The following FSTL4 variants were observed in gnomAD, a reference collection of about 807,000 sequenced individuals.
FSTL4 encodes follistatin like 4.
Under a neutral mutation model 78.2 loss-of-function variants are expected in FSTL4, and 28 were observed. The observed-to-expected ratio is 0.36, with a 90% CI of 0.27 to 0.49. The LOEUF (loss-of-function observed/expected upper bound fraction) is 0.49, where lower values mean the gene tolerates loss of function less well. Among genes scored for constraint, FSTL4 ranks in the 20% least tolerant of loss-of-function variants. FSTL4 has a pLI of 0.98. For missense variants in FSTL4, 922 were observed against 1,084.9 expected, an observed-to-expected ratio of 0.85 and a Z score of 2.11; for synonymous variants, 422 against 440.5, an observed-to-expected ratio of 0.96 and a Z score of 0.53.
the FSTL4 span, among the ~76,000 whole-genome samples, chr5:133,631,413 G>A: frequency 2.0e-5 from 3 of 152,034 alleles, no homozygotes; most frequent in African/African-American, 7.2e-5. Flanking sequence ...ATCATCACTC[G>A]TCATTAGAGA....
intron 3 of FSTL4, among the ~76,000 whole-genome samples, chr5:133,516,725 T>C (rs1328679873): frequency 1.3e-5 from 2 of 152,114 alleles, no homozygotes; most frequent in Non-Finnish European, 2.9e-5. Context: ...TTCTCTAACA[T>C]TAAAGTGCAT....
In FSTL4 at chr5:133,210,059, C is replaced by T. The variant is rs937985666; in HGVS notation, c.1716+132G>A. 4 of 601,372 alleles carry T rather than the reference C, an allele frequency of 6.7e-6. No individual in the cohort carries two copies. In the South Asian group the frequency reaches 8.2e-5, roughly 12 times the overall value. The allele number at this position is 601,372 out of a possible 1,614,324, so 37.3% of individuals were successfully genotyped here. A position where few individuals can be genotyped will look rare whatever the true frequency, so the allele number is the denominator to read the frequency against. On this transcript the variant is annotated intron_variant, in intron 14 of 15. Coordinates refer to ENST00000265342, the MANE Select transcript of FSTL4 (RefSeq NM_015082.2). ...GGCCTGAGGCTGTTTCCTACTCTCTCCTTGAGCCTTTATGGATATATTTTG... is the reference window on the plus strand; with the variant it reads ...GGCCTGAGGCTGTTTCCTACTCTCTTCTTGAGCCTTTATGGATATATTTTG...
At chr5:133,413,803 T>C (rs1294957536) in intron 3 of FSTL4, among the ~76,000 whole-genome samples, 1 of 152,202 alleles carries the variant, frequency 6.6e-6, no homozygotes, top group Non-Finnish European at 1.5e-5. Context: ...TCTTCAGCTA[T>C]TTCTAACCTA....
At chr5:133,316,353 G>C (rs2126891856) in intron 5 of FSTL4, 106 bp downstream of exon 5, 1 of 797,862 alleles carries the variant, frequency 1.3e-6, no homozygotes, top group Middle Eastern at 3.7e-4. Context: ...TTTGTGAGAT[G>C]TTCTCAGAGG....
chr5:133,375,077 G>A (rs756582396), intron 4 of FSTL4, among the ~76,000 whole-genome samples: 3 of 151,578 alleles, frequency 2.0e-5, no homozygotes, highest in Non-Finnish European at 4.4e-5. Flanking sequence ...GGTGGTATTC[G>A]AGGAGTGAGC....
At chr5:133,258,258 T>A (rs1314720033) in intron 6 of FSTL4, among the ~76,000 whole-genome samples, 6 of 152,212 alleles carry the variant, frequency 3.9e-5, no homozygotes, top group Admixed American at 3.9e-4. Context: ...TTACCTTGAC[T>A]GGGCCACAAG....
chr5:133,511,158 C>G (rs1758723748), intron 3 of FSTL4, among the ~76,000 whole-genome samples: 2 of 152,194 alleles, frequency 1.3e-5, no homozygotes, highest in Non-Finnish European at 2.9e-5. Flanking sequence ...GTGGGCCAGG[C>G]TCCTCTGGGT....
intron 3 of FSTL4, among the ~76,000 whole-genome samples, chr5:133,553,878 G>A (rs540720467): frequency 6.6e-6 from 1 of 152,318 alleles, no homozygotes; most frequent in African/African-American, 2.4e-5. Flanking sequence ...AGAGAAGGGA[G>A]AACCTGGACT....
At chr5:133,335,632 T>C (rs987681864) in intron 4 of FSTL4, among the ~76,000 whole-genome samples, 1 of 149,948 alleles carries the variant, frequency 6.7e-6, no homozygotes, top group Non-Finnish European at 1.5e-5. Flanking sequence ...CTTCAATTTC[T>C]TTTTTTTTCT....
chr5:133,833,924 A>G, the FSTL4 span, among the ~76,000 whole-genome samples: 1 of 152,200 alleles, frequency 6.6e-6, no homozygotes, highest in African/African-American at 2.4e-5. Flanking sequence ...GACCCACTCA[A>G]TCTAGCTCTT....
chr5:133,479,319 T>C (rs1323051437), intron 3 of FSTL4, among the ~76,000 whole-genome samples: 1 of 152,212 alleles, frequency 6.6e-6, no homozygotes, highest in Non-Finnish European at 1.5e-5. Flanking sequence ...TTTGAGTGAA[T>C]CAACCAGAAG....
At chr5:133,369,837 C>A (rs1450198603) in intron 4 of FSTL4, among the ~76,000 whole-genome samples, 5 of 152,158 alleles carry the variant, frequency 3.3e-5, no homozygotes, top group Non-Finnish European at 1.5e-5. Flanking sequence ...CATTAGGCAC[C>A]CCACTCCAGA....
At chr5:133,448,430 C>G (rs182262408) in intron 3 of FSTL4, among the ~76,000 whole-genome samples, 307 of 152,338 alleles carry the variant, frequency 2.0e-3, no homozygotes, top group Non-Finnish European at 3.4e-3. Flanking sequence ...CTCTTTGTAA[C>G]CCATCCCTTC....
intron 3 of FSTL4, among the ~76,000 whole-genome samples, chr5:133,495,948 A>C (rs1052947137): frequency 1.3e-5 from 2 of 152,156 alleles, no homozygotes; most frequent in African/African-American, 4.8e-5. Context: ...AAACGCAGGG[A>C]CAGTGGCCTC....
At chr5:133,681,237 G>A in the FSTL4 span, among the ~76,000 whole-genome samples, 1 of 152,244 alleles carries the variant, frequency 6.6e-6, no homozygotes, top group Non-Finnish European at 1.5e-5. Flanking sequence ...TTGGCAAGCG[G>A]TCATTCACTC....
the FSTL4 span, among the ~76,000 whole-genome samples, chr5:133,771,657 G>C: frequency 6.6e-6 from 1 of 152,030 alleles, no homozygotes; most frequent in Non-Finnish European, 1.5e-5. Context: ...GGGTTTTCTA[G>C]ATGTAACATC....
intron 8 of FSTL4, among the ~76,000 whole-genome samples, chr5:133,230,635 A>G (rs1350057885): frequency 1.3e-5 from 2 of 152,102 alleles, no homozygotes; most frequent in African/African-American, 4.8e-5. Flanking sequence ...CAGCAGGACT[A>G]AAGAGGGGGC....
chr5:133,250,064 TG>T, intron 6 of FSTL4, among the ~76,000 whole-genome samples: 1 of 152,270 alleles, frequency 6.6e-6, no homozygotes, highest in East Asian at 1.9e-4. Flanking sequence ...GGGAATGAAC[TG>T]GCTGATCTTT....
chr5:133,581,192 G>C (rs1760396792), intron 2 of FSTL4, among the ~76,000 whole-genome samples: 1 of 152,154 alleles, frequency 6.6e-6, no homozygotes. Context: ...GGCACAATAA[G>C]ACCGTTTTTC....
Sources: gnomAD v4.1 joint callset for allele counts (sites outside exome capture counted in the v4.1 genomes callset) on GRCh38, gnomAD v4.1.1 for gene constraint, MANE v1.5 for transcripts, NCBI Gene and HGNC (gene_info 2026-07-23, HGNC 2026-07-21) for gene names.